Variants in CACNA1A observed in about 807,000 individuals in gnomAD.
CACNA1A encodes the protein voltage-dependent P/Q-type calcium channel subunit alpha-1A.
A neutral mutation model predicts 262.4 loss-of-function variants in CACNA1A; 57 were observed. That is an observed-to-expected ratio of 0.22 (90% confidence interval 0.18 to 0.27). The LOEUF is 0.27. Ranked by LOEUF, CACNA1A falls within the 10% of genes least tolerant of loss-of-function variation. The pLI, the probability that CACNA1A is intolerant of heterozygous loss-of-function variation, is 1.00. For synonymous variants in CACNA1A, 1,431 were observed against 1,419.3 expected (o/e 1.01, Z -0.18); for missense variants, 2,526 against 3,562.8 (o/e 0.71, Z 7.41).
intron 6 of CACNA1A, among the ~76,000 whole-genome samples, chr19:13,348,276 T>C (rs2058830206): frequency 2.6e-5 from 4 of 151,826 alleles, no homozygotes; most frequent in Admixed American, 2.6e-4. Context: ...CTTTTCTAAT[T>C]GACATTCACC....
At chr19:13,355,182 G>A (rs1296189740) in intron 6 of CACNA1A, among the ~76,000 whole-genome samples, 2 of 152,154 alleles carry the variant, frequency 1.3e-5, no homozygotes, top group African/African-American at 4.8e-5. Flanking sequence ...GGGCTGGGAG[G>A]ATGCTATTAG....
chr19:13,494,007 C>T (rs988058467), intron 1 of CACNA1A, among the ~76,000 whole-genome samples: 2 of 152,202 alleles, frequency 1.3e-5, no homozygotes, highest in African/African-American at 4.8e-5. Flanking sequence ...GTCATAATAG[C>T]TTCATCTTGC....
chr19:13,449,116 G>A (rs537979554), intron 3 of CACNA1A, among the ~76,000 whole-genome samples: 10 of 148,906 alleles, frequency 6.7e-5, no homozygotes, highest in African/African-American at 9.9e-5. Context: ...ACAGGCGTGC[G>A]TCATCATGCC....
chr19:13,385,350 C>T (rs1410899093), intron 3 of CACNA1A, among the ~76,000 whole-genome samples: 1 of 152,098 alleles, frequency 6.6e-6, no homozygotes, highest in Non-Finnish European at 1.5e-5. Flanking sequence ...CTGCCTCAGC[C>T]TCCCAAGTAG....
intron 6 of CACNA1A, among the ~76,000 whole-genome samples, chr19:13,351,634 T>C (rs2058909606): frequency 1.3e-5 from 2 of 152,198 alleles, no homozygotes; most frequent in Admixed American, 1.3e-4. Flanking sequence ...CTCAGCCTCC[T>C]GCGTAGCTGG....
chr19:13,374,416 TA>T (rs2059371618), intron 3 of CACNA1A, among the ~76,000 whole-genome samples: 1 of 151,898 alleles, frequency 6.6e-6, no homozygotes, highest in Non-Finnish European at 1.5e-5. Context: ...TTCAGAAAAT[TA>T]AAAAATTTTT....
Position 13,270,022 on chromosome 19 carries a change from G to A in CACNA1A, c.3989+5828C>T, listed in dbSNP as rs1401259180. 2.6e-5 allele frequency among the ~76,000 whole-genome samples: 4 copies of A among 152,070 alleles called. No individual in the cohort carries two copies. The East Asian group carries it at 5.8e-4, about 22-fold the overall frequency. Reference sequence around the variant, plus strand: ...CCCCTATTCCCTTCCCCTGGATCTCGCAGCCCTGCCAGGCCTCAAAGAACC... The same window carrying A: ...CCCCTATTCCCTTCCCCTGGATCTCACAGCCCTGCCAGGCCTCAAAGAACC... On this transcript the variant is annotated intron_variant, in intron 24 of 46. Transcript: ENST00000360228.
rs1319000869 is a variant in CACNA1A at position 13,457,836 on chromosome 19, AAAG to A, written c.294-2627_294-2625del. 5.1e-3 allele frequency among the ~76,000 whole-genome samples: 754 copies of A among 147,212 alleles called. 8 individuals are homozygous for A. Among genetic ancestry groups the A allele is most frequent in the African/African-American group, 0.02 (722 of 36,988 alleles). On this transcript the variant is annotated intron_variant, in intron 1 of 46. Coordinates refer to ENST00000360228, the MANE Select transcript of CACNA1A (RefSeq NM_001127222.2). ...CCATTGCACTCCAGCCTGGGCAACAAAAGCAAAACTCCGTTTCAAAAAAAAAAA... is the reference window on the plus strand; with the variant it reads ...CCATTGCACTCCAGCCTGGGCAACAACAAAACTCCGTTTCAAAAAAAAAAA...
chr19:13,297,689 T>C (rs922575869), intron 19 of CACNA1A, among the ~76,000 whole-genome samples: 2 of 152,084 alleles, frequency 1.3e-5, no homozygotes. Context: ...ATGTGGCACA[T>C]GTCTGTGGTC....
At chr19:13,280,748 C>G (rs1466013881) in intron 22 of CACNA1A, among the ~76,000 whole-genome samples, 1 of 152,012 alleles carries the variant, frequency 6.6e-6, no homozygotes, top group Non-Finnish European at 1.5e-5. Context: ...TGAGACCAGT[C>G]TGGCTGATAG....
chr19:13,304,819 C>CT (rs900020061), intron 15 of CACNA1A, among the ~76,000 whole-genome samples: 9 of 152,054 alleles, frequency 5.9e-5, no homozygotes, highest in Non-Finnish European at 7.4e-5. Flanking sequence ...TTGGACTTCC[C>CT]GGCCTCCAGA....
In CACNA1A at chr19:13,506,440, G is replaced by C. The variant is rs1036396631; in HGVS notation, c.-216C>G. 5.2e-6 allele frequency: 2 copies of C among 382,308 alleles called. No homozygotes were observed. The highest frequency in any genetic ancestry group is 9.2e-6 in the Non-Finnish European group (2 of 218,154). 23.7% of individuals were successfully genotyped at this position (382,308 alleles called of 1,614,324 possible). ...GAAGGCGGCTGCCCGGGCCGAGCCGGGGATAGCAGCTCGGGACATCTTCCT... is the reference window on the plus strand; with the variant it reads ...GAAGGCGGCTGCCCGGGCCGAGCCGCGGATAGCAGCTCGGGACATCTTCCT... On this transcript the variant is annotated 5_prime_UTR_variant, in exon 1 of 47. Coordinates refer to ENST00000360228, the MANE Select transcript of CACNA1A (RefSeq NM_001127222.2).
intron 1 of CACNA1A, among the ~76,000 whole-genome samples, chr19:13,486,975 A>G (rs1980084065): frequency 6.6e-6 from 1 of 152,042 alleles, no homozygotes; most frequent in African/African-American, 2.4e-5. Context: ...TGTGCTGGAC[A>G]CAGTGCTAAA....
At chr19:13,497,597 G>T in intron 1 of CACNA1A, among the ~76,000 whole-genome samples, 1 of 98,768 alleles carries the variant, frequency 1.0e-5, no homozygotes, top group Non-Finnish European at 1.9e-5. Context: ...TGTTGTTAAA[G>T]CTGGGTACGG....
chr19:13,396,500 T>G (rs939832814), intron 3 of CACNA1A, among the ~76,000 whole-genome samples: 5 of 152,368 alleles, frequency 3.3e-5, no homozygotes, highest in African/African-American at 1.2e-4. Flanking sequence ...TGTTCTATTC[T>G]GATCTGTCCA....
chr19:13,357,454 C>T (rs2059025325), intron 6 of CACNA1A, among the ~76,000 whole-genome samples: 1 of 152,150 alleles, frequency 6.6e-6, no homozygotes. Context: ...AATTTCAGCC[C>T]TTAGGGCAGG....
At chr19:13,388,428 G>A (rs373084109) in intron 3 of CACNA1A, among the ~76,000 whole-genome samples, 162 of 151,780 alleles carry the variant, frequency 1.1e-3, no homozygotes, top group African/African-American at 3.8e-3. Flanking sequence ...GCTAATTTTT[G>A]TATTTTTAGT....
At chr19:13,409,364 C>T (rs1234366505) in intron 3 of CACNA1A, among the ~76,000 whole-genome samples, 1 of 150,790 alleles carries the variant, frequency 6.6e-6, no homozygotes, top group South Asian at 2.1e-4. Flanking sequence ...AATGGTTGAT[C>T]CTTTGACAAT....
intron 10 of CACNA1A, among the ~76,000 whole-genome samples, chr19:13,326,508 AG>A (rs950341412): frequency 2.6e-5 from 4 of 151,992 alleles, no homozygotes; most frequent in African/African-American, 9.7e-5. Flanking sequence ...CATGTGGGCC[AG>A]GTGTGGTGGC....
Sources: gnomAD v4.1 joint callset for allele counts (sites outside exome capture counted in the v4.1 genomes callset) on GRCh38, gnomAD v4.1.1 for gene constraint, MANE v1.5 for transcripts, NCBI Gene and HGNC (gene_info 2026-07-23, HGNC 2026-07-21) for gene names.